The following USP32 variants were observed in gnomAD, a reference collection of about 807,000 sequenced individuals.
The protein encoded by USP32 is ubiquitin carboxyl-terminal hydrolase 32.
Under a neutral mutation model 204.8 loss-of-function variants are expected in USP32, and 59 were observed. That is an observed-to-expected ratio of 0.29 (90% CI 0.23 to 0.36). The LOEUF is 0.36. Ranked by LOEUF, USP32 falls within the 10% of genes least tolerant of loss-of-function variation. The pLI is 1.00. For synonymous variants in USP32, 517 were observed against 678.4 expected (o/e 0.76, Z 3.70); for missense variants, 1,160 against 1,946.4 (o/e 0.60, Z 7.60).
intron 1 of USP32, among the ~76,000 whole-genome samples, chr17:60,356,027 C>G (rs2089068403): frequency 6.6e-6 from 1 of 151,988 alleles, no homozygotes; most frequent in Admixed American, 6.6e-5. Context: ...CAAACAGCCA[C>G]TGAAGGAGGC....
intron 5 of USP32, among the ~76,000 whole-genome samples, chr17:60,286,136 CAAAAA>C (rs1170911336): frequency 1.2e-5 from 1 of 84,230 alleles, no homozygotes; most frequent in African/African-American, 3.5e-5. Context: ...ACAGTGTGTC[CAAAAA>C]AAAAAAAAAA....
chr17:60,263,147 T>C (rs992644052), intron 9 of USP32, among the ~76,000 whole-genome samples: 8 of 152,034 alleles, frequency 5.3e-5, no homozygotes, highest in African/African-American at 1.9e-4. Flanking sequence ...AGAGTCTCGT[T>C]ATGTTACCCA....
intron 9 of USP32, among the ~76,000 whole-genome samples, chr17:60,262,897 A>G (rs1358652199): frequency 1.3e-5 from 2 of 152,146 alleles, no homozygotes; most frequent in African/African-American, 4.8e-5. Context: ...CTGGACTTTC[A>G]AAGTTCAATT....
At chr17:60,386,038 A>C (rs144077758) in intron 1 of USP32, among the ~76,000 whole-genome samples, 184 of 151,778 alleles carry the variant, frequency 1.2e-3, no homozygotes, top group African/African-American at 3.8e-3. Context: ...CACACACACA[A>C]CACAAAAGAA....
At position 60,301,609 on chromosome 17, in the gene USP32, C is replaced by T. The variant is rs1439898087; in HGVS notation, c.282G>A (p.Glu94=). ...AATAAAAGTACTTACATTTTGCTTT[C>T]TCTTCATCTTTGCCTCTTGTAAGGA... ...LVLLTRGKDE[E]KAKYIFSLFS... The change falls in exon 3 of 34, where the codon GAG becomes GAA. Residue 94 remains glutamate (E), a synonymous_variant. Coordinates refer to ENST00000300896, the MANE Select transcript of USP32 (RefSeq NM_032582.4). 2 of 1,582,072 alleles carry T rather than the reference C, an allele frequency of 1.3e-6. No individual in the cohort carries two copies. The highest frequency in any genetic ancestry group is 1.7e-6 in the Non-Finnish European group (2 of 1,169,692).
chr17:60,314,926 T>C lies in USP32; in HGVS notation c.187-13222A>G, dbSNP rs183452185. 6.2e-4 allele frequency among the ~76,000 whole-genome samples: 95 copies of C among 152,214 alleles called. 1 individual carries two copies. The highest frequency in any genetic ancestry group is 1.1e-3 in the Non-Finnish European group (74 of 68,004). On this transcript the variant is annotated intron_variant, in intron 2 of 33. Coordinates refer to ENST00000300896, the MANE Select transcript of USP32 (RefSeq NM_032582.4). ...CACAAGACAACAGAAGAAACAATTT[T>C]ACTATACTGAAAGAAGAAAAAAACA...
chr17:60,384,565 G>A (rs1319563426), intron 1 of USP32, among the ~76,000 whole-genome samples: 1 of 152,160 alleles, frequency 6.6e-6, no homozygotes, highest in Non-Finnish European at 1.5e-5. Context: ...GCCGAGGCGG[G>A]CGGATCACCT....
chr17:60,222,809 G>C (rs2085288367), intron 14 of USP32, among the ~76,000 whole-genome samples: 2 of 151,076 alleles, frequency 1.3e-5, no homozygotes, highest in Admixed American at 6.6e-5. Flanking sequence ...AGCCTCCCGA[G>C]TATCTGGGAT....
chr17:60,238,678 C>A (rs2085798670), intron 11 of USP32, among the ~76,000 whole-genome samples: 1 of 151,780 alleles, frequency 6.6e-6, no homozygotes. Context: ...GTGGTGGGCA[C>A]CTATAATCCC....
chr17:60,391,848 C>A, intron 1 of USP32, 34 bp downstream of exon 1: 12 of 1,598,604 alleles, frequency 7.5e-6, no homozygotes, highest in Non-Finnish European at 5.1e-6. Context: ...TCGCGGGCCT[C>A]CCAGGCAGCT....
chr17:60,307,455 G>T (rs2087752158), intron 2 of USP32, among the ~76,000 whole-genome samples: 2 of 152,130 alleles, frequency 1.3e-5, no homozygotes, highest in South Asian at 4.1e-4. Context: ...CAAATTCGAT[G>T]CAATCCCTAT....
chr17:60,371,325 G>C (rs1347529103), intron 1 of USP32, among the ~76,000 whole-genome samples: 2 of 151,532 alleles, frequency 1.3e-5, no homozygotes, highest in Non-Finnish European at 2.9e-5. Context: ...CCAGCACTTT[G>C]GGAGGCCAAG....
chr17:60,195,848 C>T (rs1315068566), intron 27 of USP32, among the ~76,000 whole-genome samples: 1 of 152,158 alleles, frequency 6.6e-6, no homozygotes, highest in Non-Finnish European at 1.5e-5. Context: ...GTGAATTTCC[C>T]ACTTGAATAT....
At chr17:60,338,679 G>A (rs574769284) in intron 2 of USP32, among the ~76,000 whole-genome samples, 42 of 151,960 alleles carry the variant, frequency 2.8e-4, no homozygotes, top group Non-Finnish European at 3.8e-4. Flanking sequence ...GCAGTGAGCC[G>A]AAATTGCACC....
At chr17:60,344,245 C>T (rs1296489146) in intron 2 of USP32, among the ~76,000 whole-genome samples, 1 of 147,848 alleles carries the variant, frequency 6.8e-6, no homozygotes, top group Non-Finnish European at 1.5e-5. Context: ...TCTCCTGCCT[C>T]AGCCTCCCGA....
chr17:60,208,039 C>T lies in USP32; in HGVS notation c.2925+20G>A. 1 of 1,553,462 alleles carries T rather than the reference C, an allele frequency of 6.4e-7. No individual in the cohort carries two copies. The highest frequency in any genetic ancestry group is 8.7e-7 in the Non-Finnish European group (1 of 1,147,454). Reference sequence around the variant, plus strand: ...CTTTGGAGGATAGAATCAAAAGTTTCTTAGAGTAGTTAATATTACCTTTAT... The same window carrying T: ...CTTTGGAGGATAGAATCAAAAGTTTTTTAGAGTAGTTAATATTACCTTTAT... On this transcript the variant is annotated intron_variant, in intron 24 of 33. Transcript: ENST00000300896.
chr17:60,236,035 C>T, intron 12 of USP32, 103 bp downstream of exon 12: 3 of 883,638 alleles, frequency 3.4e-6, no homozygotes, highest in Admixed American at 1.9e-5. Context: ...TAAGTTGGAG[C>T]ATTTTATTAT....
At chr17:60,276,645 T>C (rs1266424750) in intron 5 of USP32, among the ~76,000 whole-genome samples, 2 of 152,190 alleles carry the variant, frequency 1.3e-5, no homozygotes, top group Non-Finnish European at 2.9e-5. Flanking sequence ...AATTGGTGTT[T>C]ACATAATACA....
At chr17:60,227,376 T>G (rs944794617) in intron 12 of USP32, among the ~76,000 whole-genome samples, 1 of 151,388 alleles carries the variant, frequency 6.6e-6, no homozygotes, top group Non-Finnish European at 1.5e-5. Flanking sequence ...TTCAGGAGAT[T>G]CTCCTGCCTC....
Sources: allele counts gnomAD v4.1 joint callset (sites outside exome capture counted in the v4.1 genomes callset), GRCh38; gene constraint gnomAD v4.1.1; transcripts MANE v1.5; gene names NCBI Gene and HGNC (gene_info 2026-07-23, HGNC 2026-07-21).